Variants in OPCML observed in about 807,000 individuals in gnomAD.
The protein encoded by OPCML is opioid-binding protein/cell adhesion molecule.
OPCML carries 13 observed loss-of-function variants against 37.8 expected under a neutral mutation model. The ratio of observed to expected loss-of-function variants is 0.34; its 90% CI spans 0.22 to 0.55. The LOEUF is 0.55. OPCML is among the 20% of genes least tolerant of loss of function. The pLI is 0.91. For missense variants in OPCML, 341 were observed against 435.6 expected, an observed-to-expected ratio of 0.78 and a Z score of 1.93; for synonymous variants, 176 against 168.8, an observed-to-expected ratio of 1.04 and a Z score of -0.33.
intron 1 of OPCML, among the ~76,000 whole-genome samples, chr11:133,415,734 A>T (rs1353381879): frequency 6.6e-6 from 1 of 152,204 alleles, no homozygotes; most frequent in Non-Finnish European, 1.5e-5. Flanking sequence ...TCATTTAGGT[A>T]GTCCCAATGT....
At chr11:132,780,786 A>C (rs1764434185) in intron 2 of OPCML, among the ~76,000 whole-genome samples, 1 of 152,160 alleles carries the variant, frequency 6.6e-6, no homozygotes, top group South Asian at 2.1e-4. Context: ...TTTATATTTA[A>C]AAATTTTTAA....
chr11:132,687,778 T>G lies in OPCML; in HGVS notation c.147-30459A>C, dbSNP rs139606500. The stretch of plus-strand genomic sequence containing the variant: ...AGAAAGTGATTTGATTCTTGTAATA[T>G]CTCCAGTCTAATTTGCATCAGTCAC... On this transcript the variant is annotated intron_variant, in intron 2 of 7. Transcript: ENST00000524381. Among the ~76,000 whole-genome samples, 298 of 152,228 alleles carry G rather than the reference T, an allele frequency of 2.0e-3. 4 individuals are homozygous for G. Among genetic ancestry groups the G allele is most frequent in the Admixed American group, 0.016 (239 of 15,282 alleles).
intron 1 of OPCML, among the ~76,000 whole-genome samples, chr11:133,522,084 A>G (rs954735660): frequency 7.2e-5 from 11 of 152,230 alleles, no homozygotes; most frequent in African/African-American, 2.6e-4. Context: ...GGGAGGTAAG[A>G]AGACCTAGTG....
At chr11:132,638,607 A>G (rs905932620) in intron 3 of OPCML, among the ~76,000 whole-genome samples, 5 of 152,120 alleles carry the variant, frequency 3.3e-5, no homozygotes, top group East Asian at 1.9e-4. Flanking sequence ...TAACATCACT[A>G]TTGTGGAACC....
intron 1 of OPCML, among the ~76,000 whole-genome samples, chr11:133,380,109 G>A (rs1296830768): frequency 6.6e-6 from 1 of 152,126 alleles, no homozygotes; most frequent in African/African-American, 2.4e-5. Flanking sequence ...TGTTGCTTAC[G>A]ATCTGCTGGC....
intron 1 of OPCML, among the ~76,000 whole-genome samples, chr11:133,521,496 A>T (rs1051397005): frequency 2.0e-5 from 3 of 152,262 alleles, no homozygotes; most frequent in Admixed American, 6.5e-5. Context: ...GATGGCAGTT[A>T]TAAGGTAGTA....
At chr11:133,317,139 G>A (rs1344182272) in intron 1 of OPCML, among the ~76,000 whole-genome samples, 2 of 152,200 alleles carry the variant, frequency 1.3e-5, no homozygotes, top group Non-Finnish European at 2.9e-5. Context: ...GGAGGTTGCA[G>A]TGAGCCAAGA....
intron 1 of OPCML, among the ~76,000 whole-genome samples, chr11:132,961,456 G>C (rs1014401883): frequency 2.0e-5 from 3 of 152,216 alleles, no homozygotes; most frequent in African/African-American, 7.2e-5. Context: ...TGGGGAGGAT[G>C]ATGGACACAT....
intron 2 of OPCML, among the ~76,000 whole-genome samples, chr11:132,723,902 C>G (rs1944771722): frequency 6.6e-6 from 1 of 152,178 alleles, no homozygotes; most frequent in Non-Finnish European, 1.5e-5. Context: ...GGAAAATCTG[C>G]AGAGGAAGTT....
chr11:133,103,736 AGAGTTCTGGCCAC>A (rs1245195330), intron 1 of OPCML, among the ~76,000 whole-genome samples: 1 of 152,232 alleles, frequency 6.6e-6, no homozygotes, highest in African/African-American at 2.4e-5. Flanking sequence ...CCTAGCAGCC[AGAGTTCTGGCCAC>A]CCTCCAGTAC....
At chr11:132,638,186 T>TATATATATATATAGAGAGAGAG (rs71067383) in intron 3 of OPCML, among the ~76,000 whole-genome samples, 4 of 131,080 alleles carry the variant, frequency 3.1e-5, no homozygotes, top group African/African-American at 8.3e-5. Flanking sequence ...TATATATATA[T>TATATATATATATAGAGAGAGAG]ACAGAGAGAG....
At chr11:133,268,795 G>C (rs1472949034) in intron 1 of OPCML, among the ~76,000 whole-genome samples, 1 of 152,172 alleles carries the variant, frequency 6.6e-6, no homozygotes, top group Non-Finnish European at 1.5e-5. Flanking sequence ...GAAGACCTTT[G>C]AGTACGATAT....
intron 1 of OPCML, among the ~76,000 whole-genome samples, chr11:133,124,627 G>A (rs1237900758): frequency 6.6e-6 from 1 of 152,076 alleles, no homozygotes; most frequent in Non-Finnish European, 1.5e-5. Context: ...CAGACAGTAT[G>A]GGGGCATTGA....
At chr11:132,986,721 C>T (rs973982243) in intron 1 of OPCML, among the ~76,000 whole-genome samples, 1 of 152,056 alleles carries the variant, frequency 6.6e-6, no homozygotes, top group African/African-American at 2.4e-5. Context: ...GAAATTGGTA[C>T]TTGGTTCAGG....
chr11:133,291,337 G>GCTTC (rs1565552962), intron 1 of OPCML, among the ~76,000 whole-genome samples: 1 of 152,178 alleles, frequency 6.6e-6, no homozygotes, highest in Non-Finnish European at 1.5e-5. Flanking sequence ...TGCAGGAAGA[G>GCTTC]CTGTTGGCAT....
intron 2 of OPCML, among the ~76,000 whole-genome samples, chr11:132,775,406 CT>C (rs1946777129): frequency 6.6e-6 from 1 of 152,314 alleles, no homozygotes; most frequent in African/African-American, 2.4e-5. Context: ...GACCTGATAG[CT>C]GATTGGTTCA....
intron 2 of OPCML, among the ~76,000 whole-genome samples, chr11:132,938,106 C>A (rs1945453681): frequency 1.3e-5 from 2 of 152,020 alleles, no homozygotes; most frequent in Non-Finnish European, 2.9e-5. Flanking sequence ...ATAAGGGTTT[C>A]ATTGCTGTAG....
chr11:132,599,226 C>T (rs1337182955), intron 3 of OPCML, among the ~76,000 whole-genome samples: 1 of 152,034 alleles, frequency 6.6e-6, no homozygotes, highest in African/African-American at 2.4e-5. Flanking sequence ...GTGGAGGTTG[C>T]AGTAAGCCGA....
At chr11:132,942,901 C>T (rs758609643) in intron 2 of OPCML, 25 bp downstream of exon 2, 40 of 1,533,930 alleles carry the variant, frequency 2.6e-5, no homozygotes, top group Non-Finnish European at 3.4e-5. Flanking sequence ...AGGGGCTCGG[C>T]CCCCGCGGAA....
Sources: allele counts gnomAD v4.1 joint callset (sites outside exome capture counted in the v4.1 genomes callset), GRCh38; gene constraint gnomAD v4.1.1; transcripts MANE v1.5; gene names NCBI Gene and HGNC (gene_info 2026-07-23, HGNC 2026-07-21).